The following KCTD8 variants were observed in gnomAD, a reference collection of about 807,000 sequenced individuals.
The protein encoded by KCTD8 is potassium channel tetramerization domain containing 8.
KCTD8 carries 27 observed loss-of-function variants against 31.5 expected under a neutral mutation model. The observed-to-expected ratio is 0.86, with a 90% CI of 0.63 to 1.18. The LOEUF (loss-of-function observed/expected upper bound fraction) is 1.18, where lower values mean the gene tolerates loss of function less well. KCTD8 is among the 50% of genes most tolerant of loss of function. KCTD8 has a pLI of 0.00. For missense variants in KCTD8, 658 were observed against 647.7 expected (o/e 1.02, Z -0.17); for synonymous variants, 290 against 280.0 (o/e 1.04, Z -0.36).
At chr4:44,373,957 CAT>C (rs1341479584) in intron 1 of KCTD8, among the ~76,000 whole-genome samples, 2 of 152,158 alleles carry the variant, frequency 1.3e-5, no homozygotes, top group East Asian at 3.9e-4. Flanking sequence ...TAGTTAAAAA[CAT>C]ATAAATCTGT....
At chr4:44,268,415 G>T (rs377693256) in intron 1 of KCTD8, among the ~76,000 whole-genome samples, 4 of 150,954 alleles carry the variant, frequency 2.6e-5, no homozygotes, top group Non-Finnish European at 4.4e-5. Flanking sequence ...GAGCTATCTA[G>T]GACAAACCCA....
In KCTD8 at chr4:44,390,407, C is replaced by T. The variant is rs187690237; in HGVS notation, c.961+57156G>A. On this transcript the variant is annotated intron_variant, in intron 1 of 1. Coordinates refer to ENST00000360029, the MANE Select transcript of KCTD8 (RefSeq NM_198353.3). ...TTAAATAGGGTGTCTTTCCCTCGACCACCTTTATGTTTTTGTTTGCTTTGT... is the reference window on the plus strand; with the variant it reads ...TTAAATAGGGTGTCTTTCCCTCGACTACCTTTATGTTTTTGTTTGCTTTGT... 2.2e-3 allele frequency among the ~76,000 whole-genome samples: 329 copies of T among 151,948 alleles called. 1 individual carries two copies. The highest frequency in any genetic ancestry group is 7.6e-3 in the African/African-American group (315 of 41,504).
intron 1 of KCTD8, among the ~76,000 whole-genome samples, chr4:44,208,648 T>C (rs752620396): frequency 6.6e-6 from 1 of 152,206 alleles, no homozygotes; most frequent in Non-Finnish European, 1.5e-5. Flanking sequence ...ATAATTGGGC[T>C]ACAGAGACTG....
intron 1 of KCTD8, among the ~76,000 whole-genome samples, chr4:44,430,740 C>T (rs1262706152): frequency 6.6e-6 from 1 of 151,452 alleles, no homozygotes; most frequent in Non-Finnish European, 1.5e-5. Context: ...TATAATAAAC[C>T]AGACTCACTA....
At chr4:44,297,477 G>C (rs1217795646) in intron 1 of KCTD8, among the ~76,000 whole-genome samples, 1 of 151,786 alleles carries the variant, frequency 6.6e-6, no homozygotes, top group Non-Finnish European at 1.5e-5. Flanking sequence ...TAATAAAATA[G>C]CATCTTACAA....
At chr4:44,381,465 T>C (rs1282722913) in intron 1 of KCTD8, among the ~76,000 whole-genome samples, 1 of 151,924 alleles carries the variant, frequency 6.6e-6, no homozygotes, top group Admixed American at 6.6e-5. Flanking sequence ...AGTGAACAGA[T>C]GAAAAAAGAT....
intron 1 of KCTD8, among the ~76,000 whole-genome samples, chr4:44,270,710 C>T (rs908285149): frequency 2.0e-5 from 3 of 151,980 alleles, no homozygotes; most frequent in Admixed American, 1.3e-4. Flanking sequence ...ACAAATGGGT[C>T]GTTGGCAACC....
At chr4:44,300,057 G>A (rs940497321) in intron 1 of KCTD8, among the ~76,000 whole-genome samples, 10 of 152,028 alleles carry the variant, frequency 6.6e-5, no homozygotes, top group African/African-American at 2.4e-4. Context: ...GCCGCCTTAG[G>A]TGATTTTTAA....
At chr4:44,362,285 A>G (rs1297194424) in intron 1 of KCTD8, among the ~76,000 whole-genome samples, 1 of 152,150 alleles carries the variant, frequency 6.6e-6, no homozygotes, top group African/African-American at 2.4e-5. Context: ...TTTATTTCTT[A>G]AGCAGATGAG....
intron 1 of KCTD8, among the ~76,000 whole-genome samples, chr4:44,434,728 T>C (rs571492650): frequency 6.6e-6 from 1 of 151,930 alleles, no homozygotes; most frequent in South Asian, 2.1e-4. Context: ...TTTCAATACT[T>C]CACACAAGAA....
chr4:44,212,365 A>T (rs928711522), intron 1 of KCTD8, among the ~76,000 whole-genome samples: 2 of 152,174 alleles, frequency 1.3e-5, no homozygotes, highest in African/African-American at 4.8e-5. Context: ...CTGCATATGA[A>T]TCTACAACTA....
chr4:44,185,612 G>A (rs1713561834), intron 1 of KCTD8, among the ~76,000 whole-genome samples: 1 of 152,156 alleles, frequency 6.6e-6, no homozygotes, highest in African/African-American at 2.4e-5. Flanking sequence ...CTCTACCAAT[G>A]CTGGCTTTTC....
At chr4:44,383,114 G>A (rs1720117260) in intron 1 of KCTD8, among the ~76,000 whole-genome samples, 1 of 150,482 alleles carries the variant, frequency 6.6e-6, no homozygotes, top group Non-Finnish European at 1.5e-5. Context: ...TTAAACCAAG[G>A]AGATAAAAGA....
chr4:44,286,332 C>T (rs1717066779), intron 1 of KCTD8, among the ~76,000 whole-genome samples: 1 of 152,096 alleles, frequency 6.6e-6, no homozygotes, highest in African/African-American at 2.4e-5. Flanking sequence ...TCTAAATCGA[C>T]CCCAAATTTA....
chr4:44,399,514 T>C (rs1414402011), intron 1 of KCTD8, among the ~76,000 whole-genome samples: 1 of 152,144 alleles, frequency 6.6e-6, no homozygotes, highest in Non-Finnish European at 1.5e-5. Flanking sequence ...GGACGAGTTA[T>C]CCTCGGTAAA....
chr4:44,267,011 C>A (rs1242980536), intron 1 of KCTD8, among the ~76,000 whole-genome samples: 1 of 152,126 alleles, frequency 6.6e-6, no homozygotes, highest in Non-Finnish European at 1.5e-5. Context: ...CAAGGATACC[C>A]AGGAATTGAA....
At chr4:44,187,509 G>A (rs1193614396) in intron 1 of KCTD8, among the ~76,000 whole-genome samples, 1 of 152,216 alleles carries the variant, frequency 6.6e-6, no homozygotes, top group Non-Finnish European at 1.5e-5. Flanking sequence ...AGGTTCCCAC[G>A]TCTGAATCTA....
intron 1 of KCTD8, among the ~76,000 whole-genome samples, chr4:44,379,931 T>C (rs1159214907): frequency 6.6e-6 from 1 of 152,090 alleles, no homozygotes; most frequent in Non-Finnish European, 1.5e-5. Flanking sequence ...TAGTTAGGTG[T>C]TCTTTTTTAA....
At chr4:44,423,110 A>T (rs1721261644) in intron 1 of KCTD8, among the ~76,000 whole-genome samples, 1 of 152,042 alleles carries the variant, frequency 6.6e-6, no homozygotes, top group South Asian at 2.1e-4. Flanking sequence ...ACAACTAAGG[A>T]GGGGAGGAGG....
Sources: allele counts gnomAD v4.1 joint callset (sites outside exome capture counted in the v4.1 genomes callset), GRCh38; gene constraint gnomAD v4.1.1; transcripts MANE v1.5; gene names NCBI Gene and HGNC (gene_info 2026-07-23, HGNC 2026-07-21).